The following MACROD2 variants were observed in gnomAD, a reference collection of about 807,000 sequenced individuals.
MACROD2 encodes mono-ADP ribosylhydrolase 2.
In MACROD2, 36 loss-of-function variants were observed where a neutral mutation model predicts 70.4. That is an observed-to-expected ratio of 0.51 (90% CI 0.39 to 0.68). The LOEUF (loss-of-function observed/expected upper bound fraction) is 0.68. Among genes scored for constraint, MACROD2 ranks in the 30% least tolerant of loss-of-function variants. MACROD2 has a pLI of 0.00. For missense variants in MACROD2, 496 were observed against 538.4 expected (o/e 0.92, Z 0.78); for synonymous variants, 172 against 178.8 (o/e 0.96, Z 0.30).
At chr20:14,222,802 T>G (rs2081689041) in intron 3 of MACROD2, among the ~76,000 whole-genome samples, 1 of 135,732 alleles carries the variant, frequency 7.4e-6, no homozygotes, top group African/African-American at 2.9e-5. Context: ...CAGTTCAACC[T>G]TTGGATTTCT....
At chr20:14,941,761 T>G (rs2074391527) in intron 5 of MACROD2, among the ~76,000 whole-genome samples, 1 of 151,642 alleles carries the variant, frequency 6.6e-6, no homozygotes, top group Non-Finnish European at 1.5e-5. Context: ...GCATCAAGAT[T>G]CTGAATTTCT....
chr20:14,982,559 A>G (rs1460433746), intron 5 of MACROD2, among the ~76,000 whole-genome samples: 1 of 152,170 alleles, frequency 6.6e-6, no homozygotes, highest in Non-Finnish European at 1.5e-5. Flanking sequence ...CCTACATCCC[A>G]GCCACTCCAG....
chr20:15,666,732 G>T lies in MACROD2; in HGVS notation c.645+166885G>T, dbSNP rs539090689. Among the ~76,000 whole-genome samples the T allele has an allele frequency of 2.0e-5, 3 of 152,236 alleles. No homozygotes were observed. In the East Asian group the frequency reaches 5.8e-4, roughly 29 times the overall value. On this transcript the variant is annotated intron_variant, in intron 8 of 17. Transcript: ENST00000684519. ...TAACTGTAAATTAGATTTAGTGCTT[G>T]CCCTCAAGAAGATTACAGTCTAGTG...
At chr20:14,571,409 TA>T (rs1028299758) in intron 4 of MACROD2, among the ~76,000 whole-genome samples, 2 of 152,078 alleles carry the variant, frequency 1.3e-5, no homozygotes, top group African/African-American at 4.8e-5. Flanking sequence ...TTTTTAGTTT[TA>T]TTATAATCAT....
At chr20:15,678,836 A>G (rs1017388974) in intron 8 of MACROD2, among the ~76,000 whole-genome samples, 2 of 152,194 alleles carry the variant, frequency 1.3e-5, no homozygotes, top group African/African-American at 2.4e-5. Flanking sequence ...AGCAAACAGC[A>G]TAATGAGCTC....
rs541869142 is a variant in MACROD2, at chr20:14,565,653, G to T, written c.301+72145G>T. Among the ~76,000 whole-genome samples the T allele has an allele frequency of 5.9e-5, 9 of 151,904 alleles. No individual in the cohort carries two copies. In the South Asian group the frequency reaches 1.9e-3, roughly 31 times the overall value. ...AATAATATTTTTAAACAGTGCTAAC[G>T]TAACAATGTTATTAAAGTTCTTAAA... On this transcript the variant is annotated intron_variant, in intron 4 of 17. Coordinates refer to ENST00000684519, the MANE Select transcript of MACROD2 (RefSeq NM_001351661.2).
chr20:15,969,901 GTAAA>G (rs139408343), intron 13 of MACROD2, among the ~76,000 whole-genome samples: 4,438 of 150,250 alleles, frequency 0.03, 217 homozygotes, highest in African/African-American at 0.1. Context: ...GCCCATCATA[GTAAA>G]TAAATAAATA....
intron 5 of MACROD2, among the ~76,000 whole-genome samples, chr20:14,717,029 C>CA (rs1004432143): frequency 4.6e-5 from 7 of 150,752 alleles, no homozygotes; most frequent in African/African-American, 7.3e-5. Context: ...AAATTTAAAA[C>CA]AAAAAAAAAT....
At chr20:14,359,797 C>T (rs1032352586) in intron 3 of MACROD2, among the ~76,000 whole-genome samples, 1 of 151,914 alleles carries the variant, frequency 6.6e-6, no homozygotes, top group African/African-American at 2.4e-5. Context: ...GGGAGGTTGA[C>T]GCTGCAGTGA....
intron 6 of MACROD2, among the ~76,000 whole-genome samples, chr20:15,417,449 T>A (rs1167406195): frequency 1.3e-5 from 2 of 150,300 alleles, no homozygotes; most frequent in South Asian, 4.2e-4. Flanking sequence ...ATAATAAATA[T>A]TAGATGGGTA....
intron 8 of MACROD2, among the ~76,000 whole-genome samples, chr20:15,531,686 A>G (rs1024119017): frequency 6.6e-6 from 1 of 152,162 alleles, no homozygotes; most frequent in Non-Finnish European, 1.5e-5. Flanking sequence ...AAACTAGGAG[A>G]GTCCAGTGCA....
At chr20:15,647,812 C>A (rs1156345790) in intron 8 of MACROD2, among the ~76,000 whole-genome samples, 2 of 151,482 alleles carry the variant, frequency 1.3e-5, no homozygotes, top group Non-Finnish European at 2.9e-5. Context: ...CTCAGCCTCC[C>A]AGGTTCAAGT....
At chr20:14,723,361 A>G (rs1170051305) in intron 5 of MACROD2, among the ~76,000 whole-genome samples, 1 of 152,058 alleles carries the variant, frequency 6.6e-6, no homozygotes, top group African/African-American at 2.4e-5. Flanking sequence ...GAAAAAAGAG[A>G]TAAAACATTG....
chr20:15,195,094 T>C (rs182196913), intron 5 of MACROD2, among the ~76,000 whole-genome samples: 16 of 152,248 alleles, frequency 1.1e-4, no homozygotes, highest in African/African-American at 3.6e-4. Flanking sequence ...CAATATTGAT[T>C]AAAGACTTAA....
intron 10 of MACROD2, among the ~76,000 whole-genome samples, chr20:15,890,549 C>A (rs572484931): frequency 5.9e-5 from 9 of 152,286 alleles, no homozygotes; most frequent in African/African-American, 2.2e-4. Flanking sequence ...CAAGGGTCAA[C>A]ATCCATCTTG....
intron 3 of MACROD2, among the ~76,000 whole-genome samples, chr20:14,376,361 G>A (rs779703936): frequency 6.6e-6 from 1 of 151,968 alleles, no homozygotes; most frequent in African/African-American, 2.4e-5. Flanking sequence ...CCAGTCCTTG[G>A]TGCACATGAA....
chr20:14,950,460 G>T (rs533189452), intron 5 of MACROD2, among the ~76,000 whole-genome samples: 40 of 152,274 alleles, frequency 2.6e-4, no homozygotes, highest in African/African-American at 9.6e-4. Context: ...TTGGCAGGAC[G>T]TAAACATAGG....
chr20:14,147,785 A>G (rs968582793), intron 3 of MACROD2, among the ~76,000 whole-genome samples: 13 of 152,176 alleles, frequency 8.5e-5, no homozygotes, highest in African/African-American at 3.1e-4. Context: ...AGATCATTTG[A>G]AAAACAGTCA....
chr20:15,422,576 C>T (rs112738089), intron 6 of MACROD2, among the ~76,000 whole-genome samples: 2,455 of 152,224 alleles, frequency 0.016, 61 homozygotes, highest in African/African-American at 0.055. Flanking sequence ...GGGAATGAAT[C>T]AGATAATGCA....
Sources: gnomAD v4.1 joint callset for allele counts (sites outside exome capture counted in the v4.1 genomes callset) on GRCh38, gnomAD v4.1.1 for gene constraint, MANE v1.5 for transcripts, NCBI Gene and HGNC (gene_info 2026-07-23, HGNC 2026-07-21) for gene names.